The following SPICE1 variants were observed in gnomAD, a reference collection of about 807,000 sequenced individuals.
SPICE1 encodes the protein spindle and centriole associated protein 1.
Under a neutral mutation model 102.7 loss-of-function variants are expected in SPICE1, and 75 were observed. The observed-to-expected ratio is 0.73, with a 90% confidence interval of 0.61 to 0.88. The LOEUF is 0.88. Among genes scored for constraint, SPICE1 ranks in the 40% least tolerant of loss-of-function variants. SPICE1 has a pLI of 0.00. For synonymous variants in SPICE1, 308 were observed against 350.3 expected (o/e 0.88, Z 1.35); for missense variants, 979 against 1,020.1 (o/e 0.96, Z 0.55).
intron 11 of SPICE1, 99 bp downstream of exon 11, chr3:113,465,554 G>T: frequency 9.9e-7 from 1 of 1,011,358 alleles, no homozygotes; most frequent in Non-Finnish European, 1.4e-6. Context: ...TAATCACATC[G>T]ATACAGTTAA....
At chr3:113,494,789 CTTG>C (rs1261555643) in intron 4 of SPICE1, among the ~76,000 whole-genome samples, 4 of 152,080 alleles carry the variant, frequency 2.6e-5, no homozygotes, top group Non-Finnish European at 4.4e-5. Context: ...CTGATATTTT[CTTG>C]TTAATTTCTA....
intron 6 of SPICE1, among the ~76,000 whole-genome samples, chr3:113,492,484 T>G (rs1936786816): frequency 6.6e-6 from 1 of 152,164 alleles, no homozygotes; most frequent in Admixed American, 6.5e-5. Flanking sequence ...AGAATTCCCA[T>G]TAGGTTAGAA....
At chr3:113,472,861 C>A (rs113909588) in intron 7 of SPICE1, among the ~76,000 whole-genome samples, 1 of 152,132 alleles carries the variant, frequency 6.6e-6, no homozygotes, top group African/African-American at 2.4e-5. Flanking sequence ...AAACTGGAAA[C>A]TCTAAAAAGC....
Position 113,457,365 on chromosome 3 carries a change from A to T in SPICE1, c.1436-8T>A. 1 of 1,613,740 alleles carries T rather than the reference A, an allele frequency of 6.2e-7. No individual in the cohort carries two copies. The highest frequency in any genetic ancestry group is 1.1e-5 in the South Asian group (1 of 91,076). ...CATTTACAACTGGACGCTCTGAAGA[A>T]GATGAGAGGATATTAGTACAATAGG... On this transcript the variant is annotated splice_polypyrimidine_tract_variant and splice_region_variant and intron_variant, in intron 12 of 17. Transcript: ENST00000295872.
intron 1 of SPICE1, among the ~76,000 whole-genome samples, chr3:113,512,637 G>C (rs992020502): frequency 3.3e-5 from 5 of 152,072 alleles, no homozygotes; most frequent in Admixed American, 6.5e-5. Flanking sequence ...TCGAACTCCT[G>C]ATCTCGTGAT....
intron 7 of SPICE1, among the ~76,000 whole-genome samples, chr3:113,487,040 A>C (rs1047260739): frequency 1.3e-5 from 2 of 152,032 alleles, no homozygotes; most frequent in Non-Finnish European, 2.9e-5. Flanking sequence ...TAATTTTGTC[A>C]AAAAGAGAGG....
chr3:113,483,788 A>G (rs1003248450), intron 7 of SPICE1, among the ~76,000 whole-genome samples: 5 of 152,238 alleles, frequency 3.3e-5, no homozygotes, highest in Admixed American at 6.5e-5. Flanking sequence ...CCAGTATTTT[A>G]TTGAGGATTT....
At chr3:113,507,500 A>G (rs1460317337) in intron 1 of SPICE1, among the ~76,000 whole-genome samples, 1 of 152,098 alleles carries the variant, frequency 6.6e-6, no homozygotes, top group Non-Finnish European at 1.5e-5. Context: ...TTAAAAAAAA[A>G]TCATTGTCTA....
chr3:113,445,151 C>CA lies in SPICE1; in HGVS notation c.*155dup. On this transcript the variant is annotated 3_prime_UTR_variant, in exon 18 of 18. Coordinates refer to ENST00000295872, the MANE Select transcript of SPICE1 (RefSeq NM_144718.4). ...TTGTTGAAAACTTATTTGAGAAAGTCAAAAAATAATTGCTTTATTTCTCTG... is the reference window on the plus strand; with the variant it reads ...TTGTTGAAAACTTATTTGAGAAAGTCAAAAAAATAATTGCTTTATTTCTCTG... The CA allele has an allele frequency of 1.9e-6, 1 of 530,562 alleles. No homozygotes were observed. Among genetic ancestry groups the CA allele is most frequent in the South Asian group, 4.3e-5 (1 of 23,348 alleles). The allele number at this position is 530,562 out of a possible 1,614,324, so 32.9% of individuals were successfully genotyped here.
At chr3:113,494,538 T>C (rs1936838108) in intron 4 of SPICE1, among the ~76,000 whole-genome samples, 1 of 151,446 alleles carries the variant, frequency 6.6e-6, no homozygotes, top group South Asian at 2.1e-4. Context: ...TCCCAGCTAC[T>C]TGGGAGGCTG....
chr3:113,494,178 AT>A, intron 4 of SPICE1, 36 bp from the exon 5 acceptor site: 1 of 1,416,542 alleles, frequency 7.1e-7, no homozygotes, highest in Non-Finnish European at 9.8e-7. Flanking sequence ...TATTATTCAG[AT>A]TATATTTACT....
intron 7 of SPICE1, among the ~76,000 whole-genome samples, chr3:113,472,066 A>G (rs1469494945): frequency 1.3e-5 from 2 of 152,230 alleles, no homozygotes; most frequent in East Asian, 3.8e-4. Context: ...CGGCACCTGG[A>G]AAATTGGGTC....
chr3:113,500,068 G>A (rs1306241588), intron 3 of SPICE1, among the ~76,000 whole-genome samples: 2 of 152,008 alleles, frequency 1.3e-5, no homozygotes, highest in African/African-American at 4.8e-5. Context: ...AAATAATAAT[G>A]TAGTGTTTAT....
At position 113,515,147 on chromosome 3, in the gene SPICE1, G is replaced by A. The variant is rs964623774; in HGVS notation, c.-251C>T. On this transcript the variant is annotated 5_prime_UTR_variant, in exon 1 of 18. Coordinates refer to ENST00000295872, the MANE Select transcript of SPICE1 (RefSeq NM_144718.4). ...TTCAGGCGCCGGAACCGCGGAGCGC[G>A]CCACAGGTTAACCCAGCCAGCGGCT... 1 of 174,352 alleles carries A rather than the reference G, an allele frequency of 5.7e-6. No homozygotes were observed. Among genetic ancestry groups the A allele is most frequent in the Non-Finnish European group, 1.2e-5 (1 of 81,490 alleles). The allele number at this position is 174,352 out of a possible 1,614,324, so 10.8% of individuals were successfully genotyped here. A position where few individuals can be genotyped will look rare whatever the true frequency, so the allele number is the denominator to read the frequency against.
rs1463414191 is a variant in SPICE1 at position 113,481,405 on chromosome 3, T to TC, written c.611+7539_611+7540insG. On this transcript the variant is annotated intron_variant, in intron 7 of 17. Transcript: ENST00000295872. ...GTTGAAAAACAGAAAAGTAGACTTT[T>TC]TTTTTTCTAGTTTTTTTTTTATTAT... Among the ~76,000 whole-genome samples, 5 of 151,750 alleles carry TC rather than the reference T, an allele frequency of 3.3e-5. No homozygotes were observed. The East Asian group carries it at 1.0e-3, about 30-fold the overall frequency.
chr3:113,457,848 C>T (rs566012573), intron 12 of SPICE1, among the ~76,000 whole-genome samples: 4 of 152,118 alleles, frequency 2.6e-5, no homozygotes, highest in Admixed American at 6.5e-5. Context: ...GTTGTAAAGA[C>T]GGGGTTCACC....
At chr3:113,466,185 T>C (rs1936052338) in intron 10 of SPICE1, among the ~76,000 whole-genome samples, 1 of 152,242 alleles carries the variant, frequency 6.6e-6, no homozygotes, top group African/African-American at 2.4e-5. Flanking sequence ...CAATCTGCTG[T>C]TATCTTTGAA....
chr3:113,474,991 A>G (rs943537939), intron 7 of SPICE1, among the ~76,000 whole-genome samples: 2 of 152,224 alleles, frequency 1.3e-5, no homozygotes, highest in African/African-American at 4.8e-5. Flanking sequence ...TAATGAATCC[A>G]GGAGCTGGCT....
Position 113,450,441 on chromosome 3 carries a change from C to CCATACTTTG in SPICE1, c.2209_2217dup (p.Gln737_Met739dup), listed in dbSNP as rs749653424. 2 of 1,613,962 alleles carry CCATACTTTG rather than the reference C, an allele frequency of 1.2e-6. No homozygotes were observed. Among genetic ancestry groups the CCATACTTTG allele is most frequent in the Non-Finnish European group, 1.7e-6 (2 of 1,180,012 alleles). ...AACTGCAGTAGTTTTCCACGAGCCT[C>CCATACTTTG]CATACTTTGTCGATTCAATTCTGCA... On this transcript the variant is annotated inframe_insertion, in exon 15 of 18. Coordinates refer to ENST00000295872, the MANE Select transcript of SPICE1 (RefSeq NM_144718.4).
Sources: allele counts gnomAD v4.1 joint callset (sites outside exome capture counted in the v4.1 genomes callset), GRCh38; gene constraint gnomAD v4.1.1; transcripts MANE v1.5; gene names NCBI Gene and HGNC (gene_info 2026-07-23, HGNC 2026-07-21).